The following EEIG2 variants were observed in gnomAD, a reference collection of about 807,000 sequenced individuals.
The protein encoded by EEIG2 is EEIG family member 2.
the EEIG2 span, chr1:108,628,761 A>G: frequency 6.2e-7 from 1 of 1,613,368 alleles, no homozygotes; most frequent in Non-Finnish European, 8.5e-7. Flanking sequence ...TTGTAGAGAA[A>G]ATATTACAAA....
the EEIG2 span, among the ~76,000 whole-genome samples, chr1:108,634,048 T>A: frequency 6.6e-6 from 1 of 152,202 alleles, no homozygotes; most frequent in Non-Finnish European, 1.5e-5. Flanking sequence ...CTGCCTGTTG[T>A]CTAGTATGTG....
the EEIG2 span, among the ~76,000 whole-genome samples, chr1:108,593,287 C>G: frequency 6.6e-6 from 1 of 152,216 alleles, no homozygotes; most frequent in African/African-American, 2.4e-5. Flanking sequence ...TGAGGGTAAC[C>G]TCGAGGTCCA....
chr1:108,588,476 C>T, the EEIG2 span, among the ~76,000 whole-genome samples: 2 of 152,100 alleles, frequency 1.3e-5, no homozygotes, highest in Admixed American at 1.3e-4. Flanking sequence ...CATCTTTTCA[C>T]ATACTTCTTG....
chr1:108,582,036 C>G, the EEIG2 span, among the ~76,000 whole-genome samples: 122,673 of 152,136 alleles, frequency 0.81, 51,880 homozygotes, highest in Non-Finnish European at 0.94. Flanking sequence ...CCCTGTCAGT[C>G]AGCAACCATC....
At chr1:108,572,604 T>C in the EEIG2 span, among the ~76,000 whole-genome samples, 1 of 152,048 alleles carries the variant, frequency 6.6e-6, no homozygotes, top group African/African-American at 2.4e-5. Flanking sequence ...CCTTGATTTA[T>C]TTGATTTATT....
chr1:108,590,612 C>T, the EEIG2 span, among the ~76,000 whole-genome samples: 1 of 152,178 alleles, frequency 6.6e-6, no homozygotes, highest in Non-Finnish European at 1.5e-5. Context: ...AGGTTAGGAA[C>T]GTGTCCAGCG....
the EEIG2 span, among the ~76,000 whole-genome samples, chr1:108,610,841 G>A: frequency 1.3e-5 from 2 of 152,168 alleles, no homozygotes; most frequent in Non-Finnish European, 2.9e-5. Context: ...GGCTGAGGCA[G>A]GAGAATGGCG....
At chr1:108,634,452 A>T in the EEIG2 span, among the ~76,000 whole-genome samples, 1 of 152,218 alleles carries the variant, frequency 6.6e-6, no homozygotes, top group African/African-American at 2.4e-5. Context: ...TACTAAACTC[A>T]GGCACACTCA....
the EEIG2 span, among the ~76,000 whole-genome samples, chr1:108,615,231 C>A: frequency 6.6e-6 from 1 of 152,156 alleles, no homozygotes; most frequent in Non-Finnish European, 1.5e-5. Flanking sequence ...ATCACTTAAT[C>A]TCCCTGAGGT....
chr1:108,581,490 G>T, the EEIG2 span, among the ~76,000 whole-genome samples: 1 of 152,300 alleles, frequency 6.6e-6, no homozygotes, highest in East Asian at 1.9e-4. Context: ...TACCATTCTA[G>T]ATGCCATTAA....
At chr1:108,563,189 T>C in the EEIG2 span, among the ~76,000 whole-genome samples, 1 of 152,182 alleles carries the variant, frequency 6.6e-6, no homozygotes, top group African/African-American at 2.4e-5. Context: ...TTTACGTAAA[T>C]GATAAGAGTG....
the EEIG2 span, among the ~76,000 whole-genome samples, chr1:108,589,747 G>A: frequency 6.9e-6 from 1 of 144,982 alleles, no homozygotes; most frequent in South Asian, 2.2e-4. Flanking sequence ...CATTCCCATA[G>A]CTTCAGTGAC....
chr1:108,610,819 A>G, the EEIG2 span, among the ~76,000 whole-genome samples: 2 of 152,176 alleles, frequency 1.3e-5, no homozygotes, highest in Non-Finnish European at 2.9e-5. Flanking sequence ...CTGTAGTCCC[A>G]GCTACTTGGG....
chr1:108,612,648 G>T, the EEIG2 span, among the ~76,000 whole-genome samples: 36 of 152,292 alleles, frequency 2.4e-4, no homozygotes, highest in African/African-American at 8.7e-4. Flanking sequence ...GCTGCGATAG[G>T]TACATAGAAG....
the EEIG2 span, among the ~76,000 whole-genome samples, chr1:108,572,260 T>G: frequency 6.6e-6 from 1 of 152,210 alleles, no homozygotes; most frequent in Non-Finnish European, 1.5e-5. Flanking sequence ...TTCTTCTGCC[T>G]GCCCTTTTTT....
At chr1:108,628,067 TAATG>T in the EEIG2 span, 1 of 966,698 alleles carries the variant, frequency 1.0e-6, no homozygotes, top group Non-Finnish European at 1.6e-6. Context: ...ATTGTTTTGA[TAATG>T]AACTTGGCAG....
the EEIG2 span, among the ~76,000 whole-genome samples, chr1:108,576,075 G>A: frequency 2.0e-4 from 31 of 152,214 alleles, no homozygotes; most frequent in East Asian, 5.8e-4. Flanking sequence ...TCAAACTCCC[G>A]GGTTCAAGCA....
At chr1:108,592,968 G>T in the EEIG2 span, among the ~76,000 whole-genome samples, 2 of 152,048 alleles carry the variant, frequency 1.3e-5, no homozygotes, top group African/African-American at 4.8e-5. Flanking sequence ...GATGAGCCTG[G>T]CCAACTTGGT....
chr1:108,583,560 ATTAAGTAACAG>A, the EEIG2 span, among the ~76,000 whole-genome samples: 1 of 151,966 alleles, frequency 6.6e-6, no homozygotes, highest in Non-Finnish European at 1.5e-5. Flanking sequence ...TGGAGTGTAA[ATTAAGTAACAG>A]TTCTTCTGTT....
Sources: allele counts gnomAD v4.1 joint callset (sites outside exome capture counted in the v4.1 genomes callset), GRCh38; gene constraint gnomAD v4.1.1; transcripts MANE v1.5; gene names NCBI Gene and HGNC (gene_info 2026-07-23, HGNC 2026-07-21).